Variants in SLC30A10 observed in about 807,000 individuals in gnomAD.
SLC30A10 encodes solute carrier family 30 member 10.
SLC30A10 carries 8 observed loss-of-function variants against 21.7 expected under a neutral mutation model. The ratio of observed to expected loss-of-function variants is 0.37; its 90% CI spans 0.22 to 0.67. SLC30A10 has a LOEUF of 0.67. Ranked by LOEUF, SLC30A10 falls within the 30% of genes least tolerant of loss-of-function variation. The pLI is 0.58. For missense variants in SLC30A10, 521 were observed against 642.5 expected (o/e 0.81, Z 2.04); for synonymous variants, 272 against 279.4 (o/e 0.97, Z 0.26).
intron 2 of SLC30A10, among the ~76,000 whole-genome samples, chr1:219,926,364 C>G (rs574852199): frequency 4.6e-5 from 7 of 152,344 alleles, no homozygotes; most frequent in Admixed American, 6.5e-5. Flanking sequence ...TCTGGGATCA[C>G]TCTGAAGCAA....
chr1:219,911,162 T>G lies in SLC30A10; in HGVS notation c.*4287A>C, dbSNP rs865808812. Among the ~76,000 whole-genome samples the G allele has an allele frequency of 0.015, 2,167 of 144,090 alleles. 85 individuals are homozygous for G. The highest frequency in any genetic ancestry group is 0.023 in the Non-Finnish European group (1,508 of 65,716). The allele number at this position is 144,090 out of a possible 152,430, so 94.5% of individuals were successfully genotyped here. A position where few individuals can be genotyped will look rare whatever the true frequency, so the allele number is the denominator to read the frequency against. On this transcript the variant is annotated 3_prime_UTR_variant, in exon 4 of 4. Coordinates refer to ENST00000366926, the MANE Select transcript of SLC30A10 (RefSeq NM_018713.3). ...TTTTCTACATCAGTTTTTTTTTTTT[T>G]TTTTTTTTTTTTGCAGTCTTTTACT...
intron 1 of SLC30A10, among the ~76,000 whole-genome samples, chr1:219,935,023 A>T (rs531300750): frequency 9.2e-5 from 14 of 152,320 alleles, no homozygotes; most frequent in African/African-American, 3.4e-4. Flanking sequence ...TTTAAGAAAC[A>T]CTTTTCATTC....
chr1:219,920,325 C>T (rs141981446), intron 2 of SLC30A10, among the ~76,000 whole-genome samples: 278 of 152,228 alleles, frequency 1.8e-3, no homozygotes, highest in African/African-American at 6.4e-3. Flanking sequence ...AGCTAAGAAT[C>T]GAAGCTTTAA....
At chr1:219,937,293 G>A (rs1660059471) in intron 1 of SLC30A10, among the ~76,000 whole-genome samples, 1 of 151,974 alleles carries the variant, frequency 6.6e-6, no homozygotes, top group Admixed American at 6.6e-5. Context: ...TTGATATTTA[G>A]CAACTTCTCC....
intron 2 of SLC30A10, among the ~76,000 whole-genome samples, chr1:219,925,652 T>TATATATATATATATATATATATATA (rs1491117690): frequency 1.3e-4 from 5 of 38,214 alleles, no homozygotes; most frequent in Admixed American, 3.5e-4. Context: ...TATATATATA[T>TATATATATATATATATATATATATA]TTTTTTTTTT....
rs1019894571 is a variant in SLC30A10, at chr1:219,913,516, G to A, written c.*1933C>T. On this transcript the variant is annotated 3_prime_UTR_variant, in exon 4 of 4. Transcript: ENST00000366926. The stretch of plus-strand genomic sequence containing the variant: ...GAAGTCAGAGAAAAATTTCTTTTTT[G>A]GCTCTAAGGAATTTCAACCAATGTT... 1.3e-5 allele frequency: 2 copies of A among 152,024 alleles called. No individual in the cohort carries two copies. The highest frequency in any genetic ancestry group is 4.8e-5 in the African/African-American group (2 of 41,392). The allele number at this position is 152,024 out of a possible 1,614,324, so 9.4% of individuals were successfully genotyped here. A position where few individuals can be genotyped will look rare whatever the true frequency, so the allele number is the denominator to read the frequency against.
intron 2 of SLC30A10, among the ~76,000 whole-genome samples, chr1:219,924,175 G>C (rs535808407): frequency 6.6e-6 from 1 of 152,368 alleles, no homozygotes; most frequent in Non-Finnish European, 1.5e-5. Flanking sequence ...CCCGTAAGCT[G>C]TTACCTCTGC....
chr1:219,929,621 A>G (rs1659936102), upstream of SLC30A10, among the ~76,000 whole-genome samples: 1 of 152,136 alleles, frequency 6.6e-6, no homozygotes, highest in Non-Finnish European at 1.5e-5. Flanking sequence ...CTCGGATTCA[A>G]GCGATTCTCC....
intron 1 of SLC30A10, among the ~76,000 whole-genome samples, chr1:219,934,274 C>A (rs140949212): frequency 2.0e-3 from 304 of 151,746 alleles, no homozygotes; most frequent in African/African-American, 7.0e-3. Flanking sequence ...GGCAACAGAG[C>A]AAAACTCCGT....
At chr1:219,929,366 C>G (rs1659929493), upstream of SLC30A10, among the ~76,000 whole-genome samples, 1 of 152,172 alleles carries the variant, frequency 6.6e-6, no homozygotes, top group South Asian at 2.1e-4. Flanking sequence ...GACACAAGTC[C>G]CTTGGCCGCC....
Position 219,915,687 on chromosome 1 carries a change from T to G in SLC30A10, c.1220A>C (p.Lys407Thr), listed in dbSNP as rs1241908673. 6.2e-7 allele frequency: 1 copy of G among 1,614,106 alleles called. No homozygotes were observed. Residue 407 changes from lysine to threonine, a missense_variant, in exon 4 of 4, where the codon AAG becomes ACG. Coordinates refer to ENST00000366926, the MANE Select transcript of SLC30A10 (RefSeq NM_018713.3). ...ACAACACAGCTGCTTAGCACAGCCC[T>G]TGGAGATGCAGGGTGAGTTGCAGAG... ...LLLCNSPCIS[K>T]GCAKQLCCPP...
At chr1:219,929,596 C>T (rs1301106703), upstream of SLC30A10, among the ~76,000 whole-genome samples, 1 of 152,108 alleles carries the variant, frequency 6.6e-6, no homozygotes, top group Non-Finnish European at 1.5e-5. Flanking sequence ...TCTCGGCTCA[C>T]TGCAACCTCC....
upstream of SLC30A10, among the ~76,000 whole-genome samples, chr1:219,933,400 T>TA (rs1436828588): frequency 6.6e-6 from 1 of 152,224 alleles, no homozygotes; most frequent in East Asian, 1.9e-4. Flanking sequence ...TGAGAAAATT[T>TA]AAAAGGCAGA....
chr1:219,940,888 T>C (rs537929297), intron 1 of SLC30A10, among the ~76,000 whole-genome samples: 2 of 152,348 alleles, frequency 1.3e-5, no homozygotes, highest in South Asian at 4.1e-4. Context: ...TGATCAGATT[T>C]GTTTGGACAA....
At chr1:219,925,617 A>ATG (rs1261225541) in intron 2 of SLC30A10, among the ~76,000 whole-genome samples, 1 of 115,580 alleles carries the variant, frequency 8.7e-6, no homozygotes, top group South Asian at 3.0e-4. Context: ...CTTAAAATTT[A>ATG]TGTGTGTGTG....
chr1:219,945,442 A>G (rs904515075), intron 1 of SLC30A10, among the ~76,000 whole-genome samples: 2 of 152,238 alleles, frequency 1.3e-5, no homozygotes, highest in African/African-American at 2.4e-5. Flanking sequence ...AAATTTTAAA[A>G]AATTGAATGG....
rs886199312 is a variant in SLC30A10 at position 219,957,469 on chromosome 1, A to T, written n.80+1099T>A. On this transcript the variant is annotated intron_variant and non_coding_transcript_variant, in intron 1 of 8. Coordinates refer to the SLC30A10 transcript ENST00000484239. ...AAATAAGGAAATATTTGAAATTTTT[A>T]AAAATTCATATGAGCTATTAGAATT... is the stretch of plus-strand genomic sequence containing the variant. 3.9e-5 allele frequency among the ~76,000 whole-genome samples: 6 copies of T among 152,340 alleles called. No homozygotes were observed. In the South Asian group the frequency reaches 1.2e-3, roughly 32 times the overall value.
chr1:219,928,538 C>G lies in SLC30A10; in HGVS notation c.-98G>C, dbSNP rs777193251. The G allele has an allele frequency of 5.0e-4, 573 of 1,141,368 alleles. 2 individuals carry two copies. Among genetic ancestry groups the G allele is most frequent in the Non-Finnish European group, 6.0e-4 (518 of 861,702 alleles). The allele number at this position is 1,141,368 out of a possible 1,614,324, so 70.7% of individuals were successfully genotyped here. A position where few individuals can be genotyped will look rare whatever the true frequency, so the allele number is the denominator to read the frequency against. On this transcript the variant is annotated 5_prime_UTR_variant, in exon 1 of 4. Transcript: ENST00000366926. The surrounding 1 kb of genome is among the most constrained non-coding windows in gnomAD (Gnocchi z 6.3). ...GGGCGCGGCGCGGATCCGTGAGGCC[C>G]GGTACCCGCCTCCCAGATTGTCTCG...
intron 1 of SLC30A10, among the ~76,000 whole-genome samples, chr1:219,935,433 T>C (rs1021193971): frequency 9.9e-5 from 15 of 152,240 alleles, no homozygotes; most frequent in African/African-American, 3.4e-4. Context: ...TATTAATAAA[T>C]GTCCTTAACT....
Sources: gnomAD v4.1 joint callset for allele counts (sites outside exome capture counted in the v4.1 genomes callset) on GRCh38, gnomAD v4.1.1 for gene constraint, Gnocchi (gnomAD v3.1) non-coding constraint, MANE v1.5 for transcripts, NCBI Gene and HGNC (gene_info 2026-07-23, HGNC 2026-07-21) for gene names.